Variants in HIVEP1 observed in about 807,000 individuals in gnomAD.
The protein encoded by HIVEP1 is HIVEP zinc finger 1.
HIVEP1 carries 36 observed loss-of-function variants against 180.0 expected under a neutral mutation model. The ratio of observed to expected loss-of-function variants is 0.20; its 90% CI spans 0.15 to 0.26. The LOEUF (loss-of-function observed/expected upper bound fraction) is 0.26. Ranked by LOEUF, HIVEP1 falls within the 10% of genes least tolerant of loss-of-function variation. HIVEP1 has a pLI of 1.00. For missense variants in HIVEP1, 3,143 were observed against 3,268.7 expected (o/e 0.96, Z 0.94); for synonymous variants, 1,239 against 1,239.0 (o/e 1.00, Z 0.00).
intron 2 of HIVEP1, among the ~76,000 whole-genome samples, chr6:12,068,892 T>A (rs906169572): frequency 6.6e-6 from 1 of 152,222 alleles, no homozygotes; most frequent in Non-Finnish European, 1.5e-5. Context: ...AATTGGTGTT[T>A]TCTCCCTTTA....
downstream of HIVEP1, among the ~76,000 whole-genome samples, chr6:12,167,970 T>C (rs569451137): frequency 2.6e-4 from 32 of 121,102 alleles, no homozygotes; most frequent in African/African-American, 8.9e-4. Context: ...GTATATATTA[T>C]ATATACATGT....
At chr6:12,165,177 G>A (rs1334768733), downstream of HIVEP1, 2 of 493,212 alleles carry the variant, frequency 4.1e-6, no homozygotes, top group Admixed American at 4.3e-5. Context: ...ACAACTGATT[G>A]ACCTATTTTT....
chr6:12,203,486 A>G, the HIVEP1 span, among the ~76,000 whole-genome samples: 1 of 152,188 alleles, frequency 6.6e-6, no homozygotes, highest in Non-Finnish European at 1.5e-5. Context: ...TGCATTTCCT[A>G]TGGAGTGAGT....
chr6:12,196,557 C>T, the HIVEP1 span, among the ~76,000 whole-genome samples: 1 of 152,318 alleles, frequency 6.6e-6, no homozygotes, highest in Non-Finnish European at 1.5e-5. Flanking sequence ...CTTTTATTCT[C>T]CATGCAAATG....
intron 2 of HIVEP1, among the ~76,000 whole-genome samples, chr6:12,047,632 A>T (rs546830244): frequency 3.3e-5 from 5 of 152,326 alleles, no homozygotes; most frequent in African/African-American, 1.2e-4. Context: ...CCGTCCTGTC[A>T]CACTGCTGAT....
In HIVEP1 at chr6:12,122,578, C is replaced by G; in HGVS notation, c.2783C>G (p.Ala928Gly). The change falls in exon 4 of 9, where the codon GCT (alanine) becomes GGT (glycine). Residue 928 changes from alanine to glycine, a missense_variant. Ala to Gly is a moderately conservative substitution (Grantham distance 60, BLOSUM62 0). Around this residue, in one of 12 missense-constraint regions of HIVEP1, gnomAD observed 204 missense variants for 243.7 expected, o/e 0.84. Coordinates refer to ENST00000379388, the MANE Select transcript of HIVEP1 (RefSeq NM_002114.4). ...GATGAGAGCCACCAAGGATGCCATG[C>G]TGCTGGTGAAGCCATGTCAGTGAGG... ...SLDESHQGCH[A>G]AGEAMSVRSK... The G allele has an allele frequency of 7.4e-6, 12 of 1,614,160 alleles. No homozygotes were observed. Among genetic ancestry groups the G allele is most frequent in the Non-Finnish European group, 8.5e-6 (10 of 1,180,018 alleles).
At chr6:12,207,903 C>CA in the HIVEP1 span, among the ~76,000 whole-genome samples, 5,039 of 91,008 alleles carry the variant, frequency 0.055, 289 homozygotes, top group African/African-American at 0.15. Flanking sequence ...GACTCTGTCT[C>CA]AAAAAAAAAA....
At chr6:12,139,154 G>A (rs1758862141) in intron 7 of HIVEP1, among the ~76,000 whole-genome samples, 1 of 151,916 alleles carries the variant, frequency 6.6e-6, no homozygotes, top group Non-Finnish European at 1.5e-5. Context: ...GGGGTTTCCT[G>A]ACTCATTTGG....
At chr6:12,016,852 T>C (rs1299259218) in intron 2 of HIVEP1, among the ~76,000 whole-genome samples, 1 of 152,202 alleles carries the variant, frequency 6.6e-6, no homozygotes, top group African/African-American at 2.4e-5. Flanking sequence ...CATTTGTTAC[T>C]GTAGGAAAAG....
intron 7 of HIVEP1, among the ~76,000 whole-genome samples, chr6:12,138,439 C>G (rs1758818644): frequency 1.3e-5 from 2 of 152,184 alleles, no homozygotes; most frequent in South Asian, 4.1e-4. Flanking sequence ...CTGCACATGT[C>G]CCTGTTTGAG....
intron 2 of HIVEP1, among the ~76,000 whole-genome samples, chr6:12,073,056 T>C (rs1772090254): frequency 1.3e-5 from 2 of 152,362 alleles, no homozygotes; most frequent in South Asian, 4.1e-4. Context: ...GGCTCTCTAT[T>C]GTCATCTGCA....
At chr6:12,017,417 G>A (rs1002009728) in intron 2 of HIVEP1, among the ~76,000 whole-genome samples, 11 of 152,218 alleles carry the variant, frequency 7.2e-5, no homozygotes, top group African/African-American at 2.7e-4. Context: ...GCACACCTTT[G>A]CGGTGAGTTT....
At chr6:12,039,569 G>A (rs1301948045) in intron 2 of HIVEP1, among the ~76,000 whole-genome samples, 2 of 152,054 alleles carry the variant, frequency 1.3e-5, no homozygotes, top group African/African-American at 4.8e-5. Flanking sequence ...TTCTATTGAC[G>A]CCAAGTTGGT....
rs1316884039 is a variant in HIVEP1 at position 12,122,293 on chromosome 6, G to A, written c.2498G>A (p.Cys833Tyr). 1.5e-5 allele frequency: 25 copies of A among 1,614,062 alleles called. No individual in the cohort carries two copies. Among genetic ancestry groups the A allele is most frequent in the South Asian group, 6.6e-5 (6 of 91,092 alleles). Residue 833 changes from cysteine to tyrosine, a missense_variant, in exon 4 of 9, where the codon TGT becomes TAT. Cys to Tyr is a radical substitution (Grantham distance 194). This residue lies in a region of HIVEP1 where 204 missense variants were observed against 243.7 expected (regional missense o/e 0.84). Coordinates refer to ENST00000379388, the MANE Select transcript of HIVEP1 (RefSeq NM_002114.4). The stretch of plus-strand genomic sequence containing the variant: ...CTTCTGTCTGTACCTTCACTTGACT[G>A]TTTACCTATCACAAGAAGTAATTCC... ...VFLLSVPSLD[C>Y]LPITRSNSMP...
intron 4 of HIVEP1, among the ~76,000 whole-genome samples, chr6:12,127,636 T>C (rs1419137888): frequency 6.6e-6 from 1 of 152,156 alleles, no homozygotes; most frequent in Non-Finnish European, 1.5e-5. Flanking sequence ...ATGAGATTGC[T>C]CAGGGTATAA....
upstream of HIVEP1, among the ~76,000 whole-genome samples, chr6:12,009,596 C>A (rs921805377): frequency 8.0e-5 from 10 of 124,784 alleles, no homozygotes; most frequent in Admixed American, 3.8e-4. Context: ...TTTTCCCACG[C>A]TGTGTTTATT....
intron 2 of HIVEP1, among the ~76,000 whole-genome samples, chr6:12,018,668 T>G (rs982385490): frequency 4.6e-5 from 7 of 152,136 alleles, no homozygotes. Flanking sequence ...GGAAGGAAAG[T>G]TAACACCTGG....
intron 2 of HIVEP1, among the ~76,000 whole-genome samples, chr6:12,064,662 A>C (rs1210659916): frequency 6.6e-6 from 1 of 152,154 alleles, no homozygotes; most frequent in African/African-American, 2.4e-5. Flanking sequence ...GCCCAAGAGA[A>C]GACAAAAGGG....
At chr6:12,160,535 G>A (rs1009365030) in intron 7 of HIVEP1, among the ~76,000 whole-genome samples, 20 of 152,134 alleles carry the variant, frequency 1.3e-4, no homozygotes, top group African/African-American at 4.8e-4. Flanking sequence ...GCCAGAATAA[G>A]GACAGCTGCC....
Sources: gnomAD v4.1 joint callset for allele counts (sites outside exome capture counted in the v4.1 genomes callset) on GRCh38, gnomAD v4.1.1 for gene constraint, gnomAD v4.1.1 regional missense constraint, MANE v1.5 for transcripts, NCBI Gene and HGNC (gene_info 2026-07-23, HGNC 2026-07-21) for gene names.